The following KIFAP3 variants were observed in gnomAD, a reference collection of about 807,000 sequenced individuals.
The protein encoded by KIFAP3 is kinesin associated protein 3.
In KIFAP3, 68 loss-of-function variants were observed where a neutral mutation model predicts 106.5. That is an observed-to-expected ratio of 0.64 (90% confidence interval 0.53 to 0.78). KIFAP3 has a LOEUF of 0.78. KIFAP3 is among the 30% of genes least tolerant of loss of function. The pLI is 0.00. For synonymous variants in KIFAP3, 320 were observed against 311.5 expected (o/e 1.03, Z -0.29); for missense variants, 780 against 941.8 (o/e 0.83, Z 2.25).
intron 10 of KIFAP3, among the ~76,000 whole-genome samples, chr1:169,994,304 T>C (rs766209470): frequency 3.9e-5 from 6 of 152,204 alleles, no homozygotes; most frequent in African/African-American, 1.4e-4. Flanking sequence ...GTTACAATAC[T>C]ACTCTCAAAC....
chr1:169,935,802 T>G (rs1263666029), intron 19 of KIFAP3, among the ~76,000 whole-genome samples: 1 of 151,952 alleles, frequency 6.6e-6, no homozygotes, highest in Non-Finnish European at 1.5e-5. Flanking sequence ...ATTAGAAAAT[T>G]ACTAATAATT....
At chr1:169,961,010 A>G (rs1325517122) in intron 18 of KIFAP3, 36 bp downstream of exon 18, 2 of 1,555,360 alleles carry the variant, frequency 1.3e-6, no homozygotes, top group Non-Finnish European at 1.8e-6. Context: ...TATTCATAGC[A>G]TATAATAAAC....
At chr1:169,930,813 T>C (rs1186203577) in intron 19 of KIFAP3, among the ~76,000 whole-genome samples, 1 of 152,196 alleles carries the variant, frequency 6.6e-6, no homozygotes, top group East Asian at 1.9e-4. Context: ...TTCTGTTACA[T>C]TTTTGTCCAC....
chr1:169,964,021 T>C (rs1417626087), intron 17 of KIFAP3, among the ~76,000 whole-genome samples: 3 of 152,138 alleles, frequency 2.0e-5, no homozygotes, highest in Admixed American at 2.0e-4. Context: ...AATCTGATAC[T>C]AAACTATACT....
chr1:170,076,390 G>C (rs1359872594), upstream of KIFAP3, among the ~76,000 whole-genome samples: 1 of 152,126 alleles, frequency 6.6e-6, no homozygotes, highest in Non-Finnish European at 1.5e-5. Context: ...TTGACAGTAA[G>C]GACATAGTCA....
intron 1 of KIFAP3, among the ~76,000 whole-genome samples, chr1:170,063,538 G>GT (rs1241881129): frequency 6.6e-6 from 1 of 152,126 alleles, no homozygotes; most frequent in African/African-American, 2.4e-5. Context: ...GCTTGTATGA[G>GT]TAACACTCCC....
chr1:170,024,728 G>T, intron 8 of KIFAP3, 132 bp from the exon 9 acceptor site: 1 of 470,866 alleles, frequency 2.1e-6, no homozygotes, highest in Non-Finnish European at 3.7e-6. Flanking sequence ...ATTTTAACTG[G>T]TTAATAATTG....
At chr1:170,038,728 A>C (rs1928887) in intron 4 of KIFAP3, among the ~76,000 whole-genome samples, 15,908 of 152,278 alleles carry the variant, frequency 0.1, 987 homozygotes, top group Admixed American at 0.18. Context: ...CAATATTTCA[A>C]AACGTATTAC....
At chr1:170,055,565 G>A in intron 1 of KIFAP3, 129 bp from the exon 2 acceptor site, 1 of 582,296 alleles carries the variant, frequency 1.7e-6, no homozygotes, top group Non-Finnish European at 2.9e-6. Flanking sequence ...CTCTTGACTT[G>A]GGATTAGAGA....
intron 10 of KIFAP3, among the ~76,000 whole-genome samples, chr1:170,011,418 T>C (rs539400431): frequency 5.3e-5 from 8 of 151,920 alleles, no homozygotes; most frequent in African/African-American, 1.4e-4. Flanking sequence ...AAAGTGTCCA[T>C]TGCAAATAGA....
chr1:169,945,172 G>A (rs1002233959), intron 19 of KIFAP3, among the ~76,000 whole-genome samples: 2 of 152,006 alleles, frequency 1.3e-5, no homozygotes, highest in Non-Finnish European at 2.9e-5. Flanking sequence ...TGTCAGTACC[G>A]CCCCAAGTGC....
At chr1:170,034,728 C>T (rs1196198041) in intron 6 of KIFAP3, among the ~76,000 whole-genome samples, 4 of 151,856 alleles carry the variant, frequency 2.6e-5, no homozygotes, top group Non-Finnish European at 4.4e-5. Context: ...AGAAAGTAGA[C>T]ATTTTTTGTA....
chr1:170,067,549 T>C (rs927168799), intron 1 of KIFAP3: 1 of 152,284 alleles, frequency 6.6e-6, no homozygotes, highest in African/African-American at 2.4e-5. Flanking sequence ...GTCTTCAAGA[T>C]GGCAGCCCAC....
chr1:170,002,234 C>T (rs992399742), intron 10 of KIFAP3, among the ~76,000 whole-genome samples: 1 of 152,114 alleles, frequency 6.6e-6, no homozygotes, highest in East Asian at 1.9e-4. Context: ...ATGCCCCAAA[C>T]CCATATTACC....
chr1:169,967,061 A>T (rs989549724), intron 17 of KIFAP3, among the ~76,000 whole-genome samples: 1 of 151,862 alleles, frequency 6.6e-6, no homozygotes, highest in Middle Eastern at 3.4e-3. Flanking sequence ...GGTTGTTGAG[A>T]TTCTATTTAC....
At position 169,921,753 on chromosome 1, in the gene KIFAP3, C is replaced by A; in HGVS notation, c.2302G>T (p.Val768Phe). The change falls in exon 20 of 20, where the codon GTT becomes TTT. Residue 768 changes from valine to phenylalanine, a missense_variant. This residue lies in a region of KIFAP3 where 114 missense variants were observed against 122.3 expected (regional missense o/e 0.93). Coordinates refer to ENST00000361580, the MANE Select transcript of KIFAP3 (RefSeq NM_014970.4). ...SLGMDGFGQP[V>F]GILGRPATAY... The stretch of plus-strand genomic sequence containing the variant: ...GTGGCAGGGCGTCCAAGAATGCCAA[C>A]TGGTTGGCCAAAGCCATCCATTCCA... 6.2e-7 allele frequency: 1 copy of A among 1,613,812 alleles called. No individual in the cohort carries two copies. Among genetic ancestry groups the A allele is most frequent in the Non-Finnish European group, 8.5e-7 (1 of 1,179,816 alleles).
chr1:169,924,866 G>T (rs1322266599), intron 19 of KIFAP3, among the ~76,000 whole-genome samples: 1 of 152,144 alleles, frequency 6.6e-6, no homozygotes, highest in South Asian at 2.1e-4. Context: ...CAACGTTGCA[G>T]GAAAAATTGT....
intron 12 of KIFAP3, 40 bp downstream of exon 12, chr1:169,984,542 C>T (rs754124283): frequency 1.4e-5 from 12 of 874,498 alleles, no homozygotes; most frequent in Non-Finnish European, 2.1e-5. Context: ...ATACCAAATA[C>T]CATATGCTAA....
At chr1:169,988,003 TA>T (rs1227876942) in intron 11 of KIFAP3, among the ~76,000 whole-genome samples, 1 of 151,922 alleles carries the variant, frequency 6.6e-6, no homozygotes. Flanking sequence ...AGATCATGTA[TA>T]AAGACTTGAC....
Sources: allele counts gnomAD v4.1 joint callset (sites outside exome capture counted in the v4.1 genomes callset), GRCh38; gene constraint gnomAD v4.1.1; regional missense constraint gnomAD v4.1.1; transcripts MANE v1.5; gene names NCBI Gene and HGNC (gene_info 2026-07-23, HGNC 2026-07-21).